KIAA1614: variants seen among roughly 807,000 people sequenced by gnomAD.
KIAA1614 encodes uncharacterized protein KIAA1614.
In KIAA1614, 76 loss-of-function variants were observed where a neutral mutation model predicts 88.7. The ratio of observed to expected loss-of-function variants is 0.86; its 90% CI spans 0.71 to 1.04. The LOEUF is 1.04. Ranked by LOEUF, KIAA1614 falls within the 50% of genes least tolerant of loss-of-function variation. The pLI, the probability that KIAA1614 is intolerant of heterozygous loss-of-function variation, is 0.00. For synonymous variants in KIAA1614, 714 were observed against 675.5 expected, an observed-to-expected ratio of 1.06 and a Z score of -0.88; for missense variants, 1,553 against 1,582.5, an observed-to-expected ratio of 0.98 and a Z score of 0.32.
At position 180,916,259 on chromosome 1, in the gene KIAA1614, C is replaced by T. The variant is rs749146657; in HGVS notation, c.156C>T (p.Pro52=). 3 of 1,613,734 alleles carry T rather than the reference C, an allele frequency of 1.9e-6. No individual in the cohort carries two copies. Among genetic ancestry groups the T allele is most frequent in the South Asian group, 2.2e-5 (2 of 91,064 alleles). ...PQLDNGHPPR[P]WPCPQENRTS... ...TGGATAACGGACACCCCCCAAGACC[C>T]TGGCCTTGCCCTCAGGAAAACAGAA... Residue 52 remains proline (P), a synonymous_variant, in exon 2 of 9, where the codon CCC becomes CCT. Coordinates refer to ENST00000367588, the MANE Select transcript of KIAA1614 (RefSeq NM_020950.2).
In KIAA1614 at chr1:180,941,215, AGCAGTT is replaced by A. The variant is rs770613589; in HGVS notation, c.3094_3099del (p.Leu1032_Gln1033del). ...GGCAAGTCCCGCAGCTACAGTGTGG[AGCAGTT>A]GCAGCCCGCCCCGCCTGGCCTGACG... On this transcript the variant is annotated inframe_deletion, in exon 7 of 9. Coordinates refer to ENST00000367588, the MANE Select transcript of KIAA1614 (RefSeq NM_020950.2). The A allele has an allele frequency of 4.3e-6, 7 of 1,613,820 alleles. No homozygotes were observed. Among genetic ancestry groups the A allele is most frequent in the African/African-American group, 1.3e-5 (1 of 75,058 alleles).
At chr1:180,941,004 C>CGGGGGG in intron 6 of KIAA1614, 41 bp from the exon 7 acceptor site, 1 of 915,352 alleles carries the variant, frequency 1.1e-6, no homozygotes, top group Admixed American at 3.3e-5. Context: ...GCCACCCTCC[C>CGGGGGG]GGCCCTCCCC....
Position 180,928,510 on chromosome 1 carries a change from A to C in KIAA1614, c.1142A>C (p.Lys381Thr). 6.2e-7 allele frequency: 1 copy of C among 1,613,084 alleles called. No individual in the cohort carries two copies. Among genetic ancestry groups the C allele is most frequent in the South Asian group, 1.1e-5 (1 of 91,070 alleles). ...CATCTGCTGCAGCGTGCCCGCATGA[A>C]GGCCAGGACCCGGCCCCTCCGTGCC... is the stretch of plus-strand genomic sequence containing the variant. ...ATHLLQRARM[K>T]ARTRPLRASH... Residue 381 changes from lysine to threonine, a missense_variant, in exon 4 of 9, where the codon AAG becomes ACG. Transcript: ENST00000367588.
At position 180,917,901 on chromosome 1, in the gene KIAA1614, T is replaced by C; in HGVS notation, c.1048T>C (p.Ser350Pro). 6.2e-7 allele frequency: 1 copy of C among 1,613,856 alleles called. No individual in the cohort carries two copies. The highest frequency in any genetic ancestry group is 8.5e-7 in the Non-Finnish European group (1 of 1,179,882). Residue 350 changes from serine to proline, a missense_variant, in exon 3 of 9, where the codon TCC becomes CCC. Transcript: ENST00000367588. The part of the protein sequence containing the change: ...DWASGTSLQD[S>P]GQNRTVGPNP... ...GGCCTCGGGCACCTCCTTGCAGGAC[T>C]CCGGCCAGAACAGGTAAGAGCTCAG...
chr1:180,935,995 A>G lies in KIAA1614; in HGVS notation c.2086A>G (p.Thr696Ala). 1.9e-6 allele frequency: 3 copies of G among 1,614,072 alleles called. No homozygotes were observed. The highest frequency in any genetic ancestry group is 2.5e-6 in the Non-Finnish European group (3 of 1,179,920). The change falls in exon 5 of 9, where the codon ACG (threonine) becomes GCG (alanine). Residue 696 changes from threonine (T) to alanine (A), a missense_variant. By Grantham distance (58) the Thr-to-Ala change is moderately conservative (BLOSUM62 0). Transcript: ENST00000367588. The surrounding 1 kb of genome is among the most constrained non-coding windows in gnomAD (Gnocchi z 6.1). Reference sequence around the variant, plus strand: ...TGAGGTGAAAGAGGGCAGAGGACACACGCCTGAAGGAACTCTATTTTTGAG... The same window carrying G: ...TGAGGTGAAAGAGGGCAGAGGACACGCGCCTGAAGGAACTCTATTTTTGAG... ...ENEVKEGRGHTPEGTLFLRED... is the reference protein window; with the variant it reads ...ENEVKEGRGHAPEGTLFLRED...
At chr1:180,923,668 A>C (rs918431246) in intron 3 of KIAA1614, among the ~76,000 whole-genome samples, 6 of 152,170 alleles carry the variant, frequency 3.9e-5, no homozygotes, top group Non-Finnish European at 8.8e-5. Flanking sequence ...GTGTGCAGGG[A>C]AAGGCTCTCA....
chr1:180,918,973 T>C (rs1653886095), intron 3 of KIAA1614, among the ~76,000 whole-genome samples: 1 of 152,158 alleles, frequency 6.6e-6, no homozygotes, highest in African/African-American at 2.4e-5. Flanking sequence ...GGTGCCTTCT[T>C]GCTGTGCCCT....
chr1:180,936,975 T>TTCCAAGC (rs899260023), intron 5 of KIAA1614, among the ~76,000 whole-genome samples: 144 of 152,090 alleles, frequency 9.5e-4, no homozygotes, highest in African/African-American at 3.3e-3. Flanking sequence ...AACCCTGAGG[T>TTCCAAGC]TCCAAGCTCC....
At chr1:180,932,004 T>G (rs537531387) in intron 4 of KIAA1614, among the ~76,000 whole-genome samples, 5 of 152,134 alleles carry the variant, frequency 3.3e-5, no homozygotes, top group Admixed American at 2.6e-4. Context: ...GTCTTCTTTT[T>G]GGGGGCTATG....
chr1:180,936,415 C>T lies in KIAA1614; in HGVS notation c.2506C>T (p.Gln836Ter). 3.1e-6 allele frequency: 5 copies of T among 1,614,128 alleles called. No homozygotes were observed. The highest frequency in any genetic ancestry group is 4.2e-6 in the Non-Finnish European group (5 of 1,179,986). Residue 836 changes from glutamine to a stop codon, truncating the protein, a stop_gained, in exon 5 of 9, where the codon CAG becomes TAG. Coordinates refer to ENST00000367588, the MANE Select transcript of KIAA1614 (RefSeq NM_020950.2). LOFTEE classifies it high-confidence loss of function. ...ALAGLLRLGDQTEPVGIPRPP... is the reference protein window; with the variant it reads ...ALAGLLRLGD ...GGCTGGACTGCTCAGGCTGGGTGAC[C>T]AGACAGAGCCTGTGGGTATCCCTCG...
chr1:180,934,084 G>A (rs921954427), intron 4 of KIAA1614, among the ~76,000 whole-genome samples: 1 of 151,962 alleles, frequency 6.6e-6, no homozygotes, highest in Non-Finnish European at 1.5e-5. Context: ...GAGAAACCCC[G>A]TCTCTACTAA....
intron 3 of KIAA1614, among the ~76,000 whole-genome samples, chr1:180,920,854 C>T (rs1379589474): frequency 6.6e-6 from 1 of 152,198 alleles, no homozygotes; most frequent in Admixed American, 6.5e-5. Context: ...GGTTGTCCCC[C>T]ACTTAATGAG....
Position 180,916,791 on chromosome 1 carries a change from A to C in KIAA1614, c.688A>C (p.Ile230Leu), listed in dbSNP as rs1253161374. ...TGGGGGTCCTGGTCATTGTAACAAA[A>C]TCATCCACATTCCCAGCCCAAGGAC... ...RPGGPGHCNK[I>L]IHIPSPRTGR... Residue 230 changes from isoleucine (I) to leucine (L), a missense_variant, in exon 2 of 9, where the codon ATC (isoleucine) becomes CTC (leucine). Physicochemically the swap from Ile to Leu is conservative, Grantham distance 5. Coordinates refer to ENST00000367588, the MANE Select transcript of KIAA1614 (RefSeq NM_020950.2). 5.6e-6 allele frequency: 9 copies of C among 1,614,226 alleles called. No homozygotes were observed. The highest frequency in any genetic ancestry group is 7.6e-6 in the Non-Finnish European group (9 of 1,180,038).
chr1:180,915,001 A>G (rs1192766266), intron 1 of KIAA1614, among the ~76,000 whole-genome samples: 1 of 150,542 alleles, frequency 6.6e-6, no homozygotes, highest in African/African-American at 2.5e-5. Context: ...AGGGGGTTTC[A>G]CCATGTTGGC....
chr1:180,939,496 C>G (rs1047884492), intron 6 of KIAA1614, among the ~76,000 whole-genome samples: 3 of 152,122 alleles, frequency 2.0e-5, no homozygotes, highest in Non-Finnish European at 4.4e-5. Flanking sequence ...GCTTCCTCTT[C>G]CTTCTCTCCC....
intron 3 of KIAA1614, among the ~76,000 whole-genome samples, chr1:180,923,316 G>T (rs1341952785): frequency 6.6e-6 from 1 of 152,198 alleles, no homozygotes; most frequent in East Asian, 1.9e-4. Context: ...CTGGTGACCA[G>T]CCCACATCCT....
intron 7 of KIAA1614, 74 bp downstream of exon 7, chr1:180,941,359 G>C: frequency 6.6e-7 from 1 of 1,520,386 alleles, no homozygotes; most frequent in Non-Finnish European, 8.9e-7. Context: ...AAAGTGAAAG[G>C]AGGGAGGAGG....
Position 180,948,365 on chromosome 1 carries a change from C to T in KIAA1614, c.*2777C>T, listed in dbSNP as rs1654647823. On this transcript the variant is annotated 3_prime_UTR_variant, in exon 9 of 9. Coordinates refer to ENST00000367588, the MANE Select transcript of KIAA1614 (RefSeq NM_020950.2). Reference sequence around the variant, plus strand: ...TATATGAGCCTGTGAGAACAGCAGGCTTTGCCTTCTGCTTCTAATTGGATA... The same window carrying T: ...TATATGAGCCTGTGAGAACAGCAGGTTTTGCCTTCTGCTTCTAATTGGATA... 6.6e-6 allele frequency: 1 copy of T among 152,284 alleles called. No individual in the cohort carries two copies. The highest frequency in any genetic ancestry group is 1.5e-5 in the Non-Finnish European group (1 of 68,054). 9.4% of individuals were successfully genotyped at this position (152,284 alleles called of 1,614,324 possible). A position where few individuals can be genotyped will look rare whatever the true frequency, so the allele number is the denominator to read the frequency against.
chr1:180,945,213 T>A (rs1654561921), intron 8 of KIAA1614, 90 bp from the exon 9 acceptor site: 2 of 1,400,948 alleles, frequency 1.4e-6, no homozygotes, highest in Admixed American at 5.1e-5. Context: ...CTCTTAAGTC[T>A]GTGAGGCATC....
Sources: gnomAD v4.1 joint callset for allele counts (sites outside exome capture counted in the v4.1 genomes callset) on GRCh38, gnomAD v4.1.1 for gene constraint, Gnocchi (gnomAD v3.1) non-coding constraint, MANE v1.5 for transcripts, NCBI Gene and HGNC (gene_info 2026-07-23, HGNC 2026-07-21) for gene names.